Variants in PBLD observed in about 807,000 individuals in gnomAD.
The protein encoded by PBLD is phenazine biosynthesis like protein domain containing, also known as phenazine biosynthesis-like domain-containing protein.
Under a neutral mutation model 31.3 loss-of-function variants are expected in PBLD, and 26 were observed. The observed-to-expected ratio is 0.83, with a 90% CI of 0.61 to 1.15. PBLD has a LOEUF of 1.15. PBLD is among the 50% of genes most tolerant of loss of function. The pLI is 0.00. For synonymous variants in PBLD, 114 were observed against 129.0 expected (o/e 0.88, Z 0.79); for missense variants, 307 against 351.7 (o/e 0.87, Z 1.02).
At chr10:68,307,056 T>C in intron 1 of PBLD, 153 bp from the exon 2 acceptor site, 1 of 424,236 alleles carries the variant, frequency 2.4e-6, no homozygotes, top group South Asian at 3.2e-5. Context: ...TGAGATGGAG[T>C]CTTGCTCTGT....
At chr10:68,327,239 G>A (rs1244207028) in intron 1 of PBLD, among the ~76,000 whole-genome samples, 1 of 152,116 alleles carries the variant, frequency 6.6e-6, no homozygotes, top group Non-Finnish European at 1.5e-5. Context: ...CTTGGTCCAT[G>A]AAACAGTAAC....
In PBLD at chr10:68,285,430, T is replaced by G. The variant is rs1262800873; in HGVS notation, c.692-20A>C. 2 of 1,585,642 alleles carry G rather than the reference T, an allele frequency of 1.3e-6. No homozygotes were observed. Among genetic ancestry groups the G allele is most frequent in the Non-Finnish European group, 1.7e-6 (2 of 1,170,162 alleles). ...CAGACCCTCAAAAGAAGTGAAAAGT[T>G]AGGAGACAATCCCCAAGAAAACAGA... On this transcript the variant is annotated intron_variant, in intron 8 of 9. Coordinates refer to ENST00000358769, the MANE Select transcript of PBLD (RefSeq NM_022129.4).
At chr10:68,323,223 C>T (rs922674932) in intron 1 of PBLD, among the ~76,000 whole-genome samples, 2 of 151,830 alleles carry the variant, frequency 1.3e-5, no homozygotes, top group African/African-American at 4.8e-5. Context: ...CTAGTTGACC[C>T]TTGAGATAAC....
intron 8 of PBLD, among the ~76,000 whole-genome samples, chr10:68,286,126 C>G (rs1479111617): frequency 1.7e-5 from 2 of 120,842 alleles, no homozygotes; most frequent in African/African-American, 6.2e-5. Context: ...CTCGCTCTGT[C>G]GCCCAGGCTG....
At chr10:68,331,003 C>T (rs1314801927) in intron 1 of PBLD, among the ~76,000 whole-genome samples, 4 of 152,038 alleles carry the variant, frequency 2.6e-5, no homozygotes, top group Non-Finnish European at 1.5e-5. Context: ...ACTCGGGAGT[C>T]CCATCTACTC....
chr10:68,289,133 C>G (rs906643826), intron 6 of PBLD, 114 bp from the exon 7 acceptor site: 4 of 746,938 alleles, frequency 5.4e-6, no homozygotes, highest in Non-Finnish European at 9.1e-6. Context: ...GCATGCCCAT[C>G]GTCTCCAGTC....
intron 1 of PBLD, among the ~76,000 whole-genome samples, chr10:68,330,179 G>C (rs555253382): frequency 1.3e-5 from 2 of 151,982 alleles, no homozygotes; most frequent in East Asian, 1.9e-4. Flanking sequence ...TGGGCCATTG[G>C]GGGTATGTGA....
chr10:68,332,725 C>T (rs1297740743), intron 1 of PBLD, 59 bp downstream of exon 1: 2 of 152,332 alleles, frequency 1.3e-5, no homozygotes, highest in African/African-American at 4.8e-5. Flanking sequence ...GGAAATGGCG[C>T]CGGATGGGCC....
intron 2 of PBLD, among the ~76,000 whole-genome samples, chr10:68,297,908 AC>A (rs1226614988): frequency 1.3e-5 from 2 of 151,484 alleles, no homozygotes; most frequent in Non-Finnish European, 2.9e-5. Context: ...GGAGTTCAAG[AC>A]CAGCCTGGGT....
At chr10:68,298,148 G>A (rs898668208) in intron 2 of PBLD, among the ~76,000 whole-genome samples, 8 of 152,114 alleles carry the variant, frequency 5.3e-5, no homozygotes, top group Admixed American at 2.0e-4. Context: ...CAGACTATAC[G>A]GGAGGCGGAG....
intron 1 of PBLD, among the ~76,000 whole-genome samples, chr10:68,326,632 GATTCATTAACA>G (rs1284987062): frequency 9.2e-5 from 14 of 152,302 alleles, no homozygotes; most frequent in Non-Finnish European, 1.6e-4. Context: ...GAATGAACCA[GATTCATTAACA>G]ATGCTAGGAC....
At chr10:68,321,932 G>A (rs1426487754) in intron 1 of PBLD, among the ~76,000 whole-genome samples, 1 of 152,140 alleles carries the variant, frequency 6.6e-6, no homozygotes, top group Non-Finnish European at 1.5e-5. Context: ...AGCTTATCTA[G>A]CTAACTACCT....
In PBLD at chr10:68,323,548, A is replaced by C. The variant is rs139415125; in HGVS notation, c.-60+9236T>G. ...GCACTCCAGCCTGAGGGACAGAGTG[A>C]GATTCCATCTCAAAAAAGAAGAAAA... On this transcript the variant is annotated intron_variant, in intron 1 of 9. Transcript: ENST00000358769. Among the ~76,000 whole-genome samples the C allele has an allele frequency of 2.4e-3, 363 of 152,298 alleles. 1 individual carries two copies. Among genetic ancestry groups the C allele is most frequent in the African/African-American group, 8.2e-3 (342 of 41,568 alleles).
In PBLD at chr10:68,291,990, G is replaced by T. The variant is rs1015607587; in HGVS notation, c.423+20C>A. On this transcript the variant is annotated intron_variant, in intron 6 of 9. Transcript: ENST00000358769. ...AACAATAACAAATAACTAGGCTCAG[G>T]TTTGATTCTTTTTACCAACCTTTAT... 1 of 1,572,612 alleles carries T rather than the reference G, an allele frequency of 6.4e-7. No homozygotes were observed. Among genetic ancestry groups the T allele is most frequent in the African/African-American group, 1.3e-5 (1 of 74,106 alleles).
chr10:68,316,750 T>C (rs977416653), intron 1 of PBLD, among the ~76,000 whole-genome samples: 3 of 152,172 alleles, frequency 2.0e-5, no homozygotes, highest in African/African-American at 7.2e-5. Flanking sequence ...CAGTGGCTCA[T>C]GCCTGTAATC....
At chr10:68,319,470 G>A (rs1223203654) in intron 1 of PBLD, among the ~76,000 whole-genome samples, 1 of 152,126 alleles carries the variant, frequency 6.6e-6, no homozygotes, top group African/African-American at 2.4e-5. Flanking sequence ...ATTGCTTGAG[G>A]CCAAAAGTTC....
intron 6 of PBLD, among the ~76,000 whole-genome samples, chr10:68,289,663 T>TCA (rs1183126379): frequency 0.041 from 5,610 of 136,428 alleles, 392 homozygotes; most frequent in African/African-American, 0.14. Context: ...AGGCCAAAGA[T>TCA]CACACACACA....
At chr10:68,302,843 GAAAA>G (rs753219563) in intron 2 of PBLD, among the ~76,000 whole-genome samples, 1 of 105,994 alleles carries the variant, frequency 9.4e-6, no homozygotes. Flanking sequence ...CCTGTCTCTG[GAAAA>G]AAAAAAAAAA....
In PBLD at chr10:68,283,909, G is replaced by C. The variant is rs2134412627; in HGVS notation, c.*268C>G. The stretch of plus-strand genomic sequence containing the variant: ...TTACAGGCATGTGGCACCACACCCA[G>C]CTAATTTTTGTATTTGTAGTAGAGA... On this transcript the variant is annotated 3_prime_UTR_variant, in exon 10 of 10. Coordinates refer to ENST00000358769, the MANE Select transcript of PBLD (RefSeq NM_022129.4). The C allele has an allele frequency of 3.6e-6, 1 of 281,070 alleles. No individual in the cohort carries two copies. Among genetic ancestry groups the C allele is most frequent in the Non-Finnish European group, 6.9e-6 (1 of 145,810 alleles). 17.4% of individuals were successfully genotyped at this position (281,070 alleles called of 1,614,324 possible).
Sources: allele counts gnomAD v4.1 joint callset (sites outside exome capture counted in the v4.1 genomes callset), GRCh38; gene constraint gnomAD v4.1.1; transcripts MANE v1.5; gene names NCBI Gene and HGNC (gene_info 2026-07-23, HGNC 2026-07-21).